LY96: variants seen among roughly 807,000 people sequenced by gnomAD.
The protein encoded by LY96 is myeloid differentiation protein-2.
A neutral mutation model predicts 18.9 loss-of-function variants in LY96; 18 were observed. The ratio of observed to expected loss-of-function variants is 0.95; its 90% confidence interval spans 0.66 to 1.41. The LOEUF (loss-of-function observed/expected upper bound fraction) is 1.41. LY96 is among the 40% of genes most tolerant of loss of function. The pLI, the probability that LY96 is intolerant of heterozygous loss-of-function variation, is 0.00. For synonymous variants in LY96, 66 were observed against 62.6 expected (o/e 1.06, Z -0.26); for missense variants, 175 against 182.4 (o/e 0.96, Z 0.23).
At chr8:73,992,958 G>C (rs187015325) in intron 1 of LY96, among the ~76,000 whole-genome samples, 1 of 150,922 alleles carries the variant, frequency 6.6e-6, no homozygotes, top group Non-Finnish European at 1.5e-5. Context: ...AAGTTCAAAC[G>C]ATTCCCATGC....
At chr8:74,065,470 C>T in the LY96 span, among the ~76,000 whole-genome samples, 4 of 152,268 alleles carry the variant, frequency 2.6e-5, no homozygotes, top group South Asian at 4.1e-4. Context: ...TAAGACATCA[C>T]ATGAGGAAAA....
At position 73,996,368 on chromosome 8, in the gene LY96, CATTCCTTTCTTTCTTTCTTT is replaced by C. The variant is rs1563707763; in HGVS notation, c.112+4815_112+4834del. On this transcript the variant is annotated intron_variant, in intron 1 of 4. Coordinates refer to ENST00000284818, the MANE Select transcript of LY96 (RefSeq NM_015364.5). ...TCCTTCCTTCCTTCCTTCCTTCCTTCATTCCTTTCTTTCTTTCTTTCTTTCTTTCTTTCTTTCTTTCTTTC... is the reference window on the plus strand; with the variant it reads ...TCCTTCCTTCCTTCCTTCCTTCCTTCCTTTCTTTCTTTCTTTCTTTCTTTC... Among the ~76,000 whole-genome samples the C allele has an allele frequency of 2.7e-3, 166 of 62,528 alleles. 3 individuals carry two copies. The highest frequency in any genetic ancestry group is 6.7e-3 in the African/African-American group (128 of 19,138). The allele number at this position is 62,528 out of a possible 152,430, so 41.0% of individuals were successfully genotyped here.
At chr8:74,085,914 A>T in the LY96 span, among the ~76,000 whole-genome samples, 1 of 152,116 alleles carries the variant, frequency 6.6e-6, no homozygotes, top group South Asian at 2.1e-4. Flanking sequence ...TTTAGGGTCT[A>T]CTGTCAGCAA....
chr8:74,077,158 C>T, the LY96 span, among the ~76,000 whole-genome samples: 1 of 152,196 alleles, frequency 6.6e-6, no homozygotes, highest in Non-Finnish European at 1.5e-5. Flanking sequence ...TCTCTGGGCA[C>T]ACCACCCTCC....
chr8:74,094,879 A>G, the LY96 span, among the ~76,000 whole-genome samples: 2 of 152,222 alleles, frequency 1.3e-5, no homozygotes, highest in Admixed American at 6.5e-5. Context: ...ATGCATTCAC[A>G]TATGGCTTTG....
intron 4 of LY96, 26 bp downstream of exon 4, chr8:74,026,867 TGTC>T: frequency 8.5e-7 from 1 of 1,176,934 alleles, no homozygotes; most frequent in Admixed American, 1.7e-5. Flanking sequence ...TATTTTGTAC[TGTC>T]TAACCTTTAG....
chr8:74,027,392 G>A (rs755681919), intron 4 of LY96, among the ~76,000 whole-genome samples: 1 of 148,480 alleles, frequency 6.7e-6, no homozygotes, highest in Non-Finnish European at 1.5e-5. Flanking sequence ...TGCAACTTCC[G>A]CCTCCCAGGT....
chr8:74,005,296 A>T (rs1816388594), intron 2 of LY96, among the ~76,000 whole-genome samples: 1 of 152,230 alleles, frequency 6.6e-6, no homozygotes, highest in Admixed American at 6.5e-5. Context: ...TTTCAAAGCC[A>T]GCGAGGGGGA....
At chr8:74,094,458 T>C in the LY96 span, among the ~76,000 whole-genome samples, 3 of 152,200 alleles carry the variant, frequency 2.0e-5, no homozygotes. Context: ...ATGTTCTAAG[T>C]AGTTTAAATA....
chr8:74,052,286 T>C, the LY96 span: 12 of 152,326 alleles, frequency 7.9e-5, no homozygotes, highest in African/African-American at 2.4e-4. Flanking sequence ...GTGACATAAC[T>C]TCCTCCGTCA....
At chr8:73,995,016 G>T (rs1389130509) in intron 1 of LY96, among the ~76,000 whole-genome samples, 2 of 152,142 alleles carry the variant, frequency 1.3e-5, no homozygotes, top group African/African-American at 4.8e-5. Flanking sequence ...ATATTAAGAG[G>T]TGGGACTTTT....
intron 4 of LY96, 85 bp from the exon 5 acceptor site, chr8:74,028,871 C>A: frequency 1.3e-6 from 1 of 760,778 alleles, no homozygotes; most frequent in Non-Finnish European, 2.2e-6. Context: ...TGGCTTTCTG[C>A]TAGTAAGAGA....
the LY96 span, among the ~76,000 whole-genome samples, chr8:74,053,709 G>A: frequency 2.0e-5 from 3 of 152,224 alleles, no homozygotes; most frequent in African/African-American, 7.2e-5. Context: ...TTTAAGTAAT[G>A]CTATGATTTG....
At chr8:74,005,491 G>A (rs1359422813) in intron 2 of LY96, among the ~76,000 whole-genome samples, 2 of 152,180 alleles carry the variant, frequency 1.3e-5, no homozygotes, top group South Asian at 4.1e-4. Flanking sequence ...CAATCTTACA[G>A]GTATATCCTT....
At position 74,022,051 on chromosome 8, in the gene LY96, C is replaced by A. The variant is rs143055276; in HGVS notation, c.332-4738C>A. On this transcript the variant is annotated intron_variant, in intron 3 of 4. Transcript: ENST00000284818. ...AAATCTGCACATTGTGCACATGTAC[C>A]CTAGAACTTAAAGTATAATTTAAAA... Among the ~76,000 whole-genome samples the A allele has an allele frequency of 2.4e-3, 367 of 151,586 alleles. 1 individual carries two copies. Among genetic ancestry groups the A allele is most frequent in the Middle Eastern group, 6.8e-3 (2 of 292 alleles).
intron 3 of LY96, among the ~76,000 whole-genome samples, chr8:74,019,488 G>A (rs1441227770): frequency 3.9e-5 from 6 of 152,052 alleles, no homozygotes; most frequent in Admixed American, 3.9e-4. Flanking sequence ...TTCTACCAGA[G>A]GTACAAAAAG....
chr8:74,058,487 C>T, the LY96 span, among the ~76,000 whole-genome samples: 2,660 of 151,190 alleles, frequency 0.018, 101 homozygotes, highest in Admixed American at 0.079. Context: ...AGGATACTTA[C>T]ATATCTACAC....
At chr8:74,016,116 A>G (rs951465721) in intron 3 of LY96, among the ~76,000 whole-genome samples, 1 of 152,248 alleles carries the variant, frequency 6.6e-6, no homozygotes, top group Admixed American at 6.5e-5. Flanking sequence ...AGCCAAAGGA[A>G]GCTGTGACAG....
the LY96 span, among the ~76,000 whole-genome samples, chr8:74,063,740 ATTCTTAAAATTTATATT>A: frequency 2.6e-5 from 4 of 152,076 alleles, no homozygotes; most frequent in Non-Finnish European, 4.4e-5. Context: ...ATTTGTTCCT[ATTCTTAAAATTTATATT>A]TTCCCACCTT....
Sources: allele counts gnomAD v4.1 joint callset (sites outside exome capture counted in the v4.1 genomes callset), GRCh38; gene constraint gnomAD v4.1.1; transcripts MANE v1.5; gene names NCBI Gene and HGNC (gene_info 2026-07-23, HGNC 2026-07-21).